SAMMSON: variants seen among roughly 807,000 people sequenced by gnomAD.
SAMMSON encodes the protein survival associated mitochondrial melanoma specific oncogenic non-coding RNA.
At chr3:70,353,240 A>G (rs1274416753) in intron 7 of SAMMSON, among the ~76,000 whole-genome samples, 1 of 152,022 alleles carries the variant, frequency 6.6e-6, no homozygotes, top group Non-Finnish European at 1.5e-5. Context: ...AAAATAATAA[A>G]ACTTTTCTCT....
chr3:70,175,670 G>T (rs559767273), intron 4 of SAMMSON, among the ~76,000 whole-genome samples: 17 of 152,150 alleles, frequency 1.1e-4, no homozygotes, highest in African/African-American at 4.1e-4. Flanking sequence ...TACCCCAGTT[G>T]CTCTACAATC....
intron 4 of SAMMSON, chr3:70,125,273 T>C (rs1483785095): frequency 7.8e-7 from 1 of 1,287,642 alleles, no homozygotes; most frequent in East Asian, 2.3e-5. Flanking sequence ...CTACTGTGTT[T>C]CTGATGAAAA....
intron 1 of SAMMSON, among the ~76,000 whole-genome samples, chr3:70,008,739 A>C (rs1171620459): frequency 6.6e-6 from 1 of 152,132 alleles, no homozygotes; most frequent in Non-Finnish European, 1.5e-5. Flanking sequence ...GAATGCTTCC[A>C]GTTTTTGCCC....
chr3:70,076,266 T>C (rs538070522), intron 4 of SAMMSON, among the ~76,000 whole-genome samples: 5 of 152,134 alleles, frequency 3.3e-5, no homozygotes, highest in Non-Finnish European at 5.9e-5. Flanking sequence ...ACCTAGTTAG[T>C]GGGTTTAAGG....
intron 4 of SAMMSON, chr3:70,120,709 G>C (rs1291165655): frequency 1.3e-5 from 2 of 152,212 alleles, no homozygotes; most frequent in African/African-American, 4.8e-5. Flanking sequence ...AAACGCAGGA[G>C]AGTATCCTCT....
chr3:70,129,092 C>T (rs1473866438), intron 4 of SAMMSON, among the ~76,000 whole-genome samples: 1 of 152,134 alleles, frequency 6.6e-6, no homozygotes, highest in African/African-American at 2.4e-5. Context: ...TTTCCTTTCA[C>T]ATTTATTGGA....
intron 4 of SAMMSON, among the ~76,000 whole-genome samples, chr3:70,107,371 A>G (rs1349781031): frequency 6.6e-6 from 1 of 152,142 alleles, no homozygotes; most frequent in Non-Finnish European, 1.5e-5. Flanking sequence ...TATATGAAGT[A>G]GGAAAACTAG....
chr3:70,161,976 G>C (rs2067617348), intron 4 of SAMMSON, among the ~76,000 whole-genome samples: 1 of 151,700 alleles, frequency 6.6e-6, no homozygotes, highest in South Asian at 2.1e-4. Context: ...TAAAGATTCA[G>C]TGGTAATTCT....
intron 3 of SAMMSON, among the ~76,000 whole-genome samples, chr3:70,021,458 G>A (rs2067013081): frequency 6.6e-6 from 1 of 152,110 alleles, no homozygotes; most frequent in South Asian, 2.1e-4. Flanking sequence ...TAAAACATCT[G>A]TGGCAAAATG....
intron 4 of SAMMSON, among the ~76,000 whole-genome samples, chr3:70,180,883 G>A (rs1038978885): frequency 4.6e-5 from 7 of 152,102 alleles, no homozygotes; most frequent in Admixed American, 2.6e-4. Flanking sequence ...TTGAGGTTTC[G>A]GTGGGGAAAG....
At chr3:70,124,323 G>A (rs1375917982) in intron 4 of SAMMSON, among the ~76,000 whole-genome samples, 1 of 152,144 alleles carries the variant, frequency 6.6e-6, no homozygotes, top group Non-Finnish European at 1.5e-5. Flanking sequence ...ATGAACTAAT[G>A]AATAAACTTA....
intron 9 of SAMMSON, among the ~76,000 whole-genome samples, chr3:70,367,241 G>T (rs1269592402): frequency 6.6e-6 from 1 of 151,420 alleles, no homozygotes; most frequent in African/African-American, 2.4e-5. Flanking sequence ...CCCTATTGTG[G>T]TATCAAACAC....
intron 3 of SAMMSON, chr3:70,068,160 G>A (rs1371300209): frequency 6.6e-6 from 1 of 151,926 alleles, no homozygotes; most frequent in African/African-American, 2.4e-5. Context: ...ATTCCCAATA[G>A]TCTTAAAACC....
At chr3:70,108,827 T>G (rs972205509) in intron 4 of SAMMSON, among the ~76,000 whole-genome samples, 1 of 152,100 alleles carries the variant, frequency 6.6e-6, no homozygotes, top group Non-Finnish European at 1.5e-5. Flanking sequence ...CTTGAACTTT[T>G]CAGTTTCCAG....
intron 7 of SAMMSON, among the ~76,000 whole-genome samples, chr3:70,342,016 G>A (rs890404732): frequency 6.6e-6 from 1 of 152,062 alleles, no homozygotes; most frequent in East Asian, 1.9e-4. Flanking sequence ...AACTGTCCTT[G>A]TACTCTCAAT....
intron 7 of SAMMSON, among the ~76,000 whole-genome samples, chr3:70,301,215 G>T (rs1395187469): frequency 6.6e-6 from 1 of 152,002 alleles, no homozygotes; most frequent in Non-Finnish European, 1.5e-5. Context: ...CTTTAGCATA[G>T]TTGTTTTAGC....
At chr3:70,112,063 T>C (rs2067391958) in intron 4 of SAMMSON, among the ~76,000 whole-genome samples, 1 of 152,138 alleles carries the variant, frequency 6.6e-6, no homozygotes, top group Non-Finnish European at 1.5e-5. Context: ...TAATGAAAGA[T>C]ACGAATCTTC....
chr3:70,376,055 G>A (rs1390633771), intron 9 of SAMMSON, among the ~76,000 whole-genome samples: 1 of 152,032 alleles, frequency 6.6e-6, no homozygotes, highest in East Asian at 1.9e-4. Context: ...TTCATATGGA[G>A]GTTTTAACCT....
chr3:70,054,122 T>TATAG (rs1393422505), intron 3 of SAMMSON, among the ~76,000 whole-genome samples: 1 of 152,162 alleles, frequency 6.6e-6, no homozygotes, highest in Admixed American at 6.6e-5. Context: ...GTAGTCAACA[T>TATAG]ATAGATATAG....
Sources: gnomAD v4.1 joint callset for allele counts (sites outside exome capture counted in the v4.1 genomes callset) on GRCh38, gnomAD v4.1.1 for gene constraint, MANE v1.5 for transcripts, NCBI Gene and HGNC (gene_info 2026-07-23, HGNC 2026-07-21) for gene names.